The following IRF1 variants were observed in gnomAD, a reference collection of about 807,000 sequenced individuals.
The protein encoded by IRF1 is interferon regulatory factor 1, also known as interferon regulatory factor-1.
In IRF1, 13 loss-of-function variants were observed where a neutral mutation model predicts 43.7. The observed-to-expected ratio is 0.30, with a 90% CI of 0.19 to 0.47. The LOEUF (loss-of-function observed/expected upper bound fraction) is 0.47. IRF1 is among the 20% of genes least tolerant of loss of function. IRF1 has a pLI of 0.99. For missense variants in IRF1, 236 were observed against 408.9 expected (o/e 0.58, Z 3.65); for synonymous variants, 138 against 146.8 (o/e 0.94, Z 0.43).
chr5:132,489,267 C>A (rs1003714259), intron 2 of IRF1, 125 bp downstream of exon 2: 26 of 739,700 alleles, frequency 3.5e-5, no homozygotes, highest in Non-Finnish European at 5.6e-5. Flanking sequence ...CATGCAGGAC[C>A]CACTGGGAGA....
chr5:132,487,637 G>C, intron 3 of IRF1: 3 of 474,034 alleles, frequency 6.3e-6, no homozygotes, highest in Non-Finnish European at 1.2e-5. Flanking sequence ...TCAGTGCCCT[G>C]GCTTACAGCT....
chr5:132,488,051 G>T, intron 2 of IRF1, 26 bp from the exon 3 acceptor site: 1 of 1,539,806 alleles, frequency 6.5e-7, no homozygotes, highest in Non-Finnish European at 9.0e-7. Flanking sequence ...ATACACATAA[G>T]GCTGTGTCAG....
At chr5:132,488,068 GAC>G in intron 2 of IRF1, 43 bp from the exon 3 acceptor site, 1 of 1,468,116 alleles carries the variant, frequency 6.8e-7, no homozygotes, top group Non-Finnish European at 9.5e-7. Context: ...TCAGGTCAGA[GAC>G]CACAGACTTT....
In IRF1 at chr5:132,486,543, C is replaced by G. The variant is rs753808692; in HGVS notation, c.544+14G>C. 1.9e-6 allele frequency: 3 copies of G among 1,613,882 alleles called. No individual in the cohort carries two copies. The highest frequency in any genetic ancestry group is 1.6e-4 in the Middle Eastern group (1 of 6,062). On this transcript the variant is annotated intron_variant, in intron 6 of 9. Transcript: ENST00000245414. ...TGACCTGTGGGGTCTCCTGCCAGAC[C>G]TGGACCAGCTCACCTGGAGTCAGGG...
In IRF1 at chr5:132,483,923, G is replaced by C. The variant is rs754742558; in HGVS notation, c.*28C>G. 1 of 1,611,176 alleles carries C rather than the reference G, an allele frequency of 6.2e-7. No individual in the cohort carries two copies. The highest frequency in any genetic ancestry group is 8.5e-7 in the Non-Finnish European group (1 of 1,179,260). Reference sequence around the variant, plus strand: ...CATGATGCCAGGTCCTGCTTGCCTAGAGGAATAAGAGGGGCCCAGGGGCCC... The same window carrying C: ...CATGATGCCAGGTCCTGCTTGCCTACAGGAATAAGAGGGGCCCAGGGGCCC... On this transcript the variant is annotated 3_prime_UTR_variant, in exon 10 of 10. Transcript: ENST00000245414.
intron 7 of IRF1, chr5:132,485,986 AGAG>A (rs1754515357): frequency 1.7e-6 from 1 of 600,110 alleles, no homozygotes; most frequent in Non-Finnish European, 3.0e-6. Flanking sequence ...GCTGGGCTAC[AGAG>A]GAGGAAGGAG....
Position 132,486,627 on chromosome 5 carries a change from A to C in IRF1, c.474T>G (p.Pro158=). 1 of 1,614,188 alleles carries C rather than the reference A, an allele frequency of 6.2e-7. No individual in the cohort carries two copies. The highest frequency in any genetic ancestry group is 8.5e-7 in the Non-Finnish European group (1 of 1,180,020). The part of the protein sequence containing the change: ...FSDGLSSSTL[P]DDHSSYTVPG... ...GAACTGTGTAGCTGCTGTGGTCATC[A>C]GGCAGAGTGGAGCTGCTGAGTCCAT... Residue 158 remains proline, a synonymous_variant, in exon 6 of 10, where the codon CCT becomes CCG. Coordinates refer to ENST00000245414, the MANE Select transcript of IRF1 (RefSeq NM_002198.3).
intron 2 of IRF1, chr5:132,488,266 T>C: frequency 2.0e-6 from 1 of 492,410 alleles, no homozygotes; most frequent in East Asian, 3.7e-5. Flanking sequence ...CACAAAGACC[T>C]CCCTCTGCCT....
intron 6 of IRF1, 57 bp downstream of exon 6, chr5:132,486,500 G>T: frequency 6.2e-7 from 1 of 1,613,042 alleles, no homozygotes. Flanking sequence ...ATGCCTCCAA[G>T]AGAAAGAGTC....
At chr5:132,485,959 CTTCCTCACCCT>C in intron 7 of IRF1, 1 of 257,114 alleles carries the variant, frequency 3.9e-6, no homozygotes, top group Non-Finnish European at 6.5e-6. Flanking sequence ...ACCCTACTTC[CTTCCTCACCCT>C]CAGATGCTGG....
chr5:132,483,729 C>G lies in IRF1; in HGVS notation c.*222G>C, dbSNP rs1007143644. The G allele has an allele frequency of 4.3e-5, 23 of 529,972 alleles. No homozygotes were observed. The highest frequency in any genetic ancestry group is 5.0e-4 in the Middle Eastern group (1 of 1,992). The allele number at this position is 529,972 out of a possible 1,614,324, so 32.8% of individuals were successfully genotyped here. ...TACACTGGTCTCAGAACCTCATCTT[C>G]CCAGGAGGCAGGGCCAGCTTTACAC... On this transcript the variant is annotated 3_prime_UTR_variant, in exon 10 of 10. Coordinates refer to ENST00000245414, the MANE Select transcript of IRF1 (RefSeq NM_002198.3).
At chr5:132,486,429 C>T in intron 6 of IRF1, 56 bp from the exon 7 acceptor site, 1 of 1,609,554 alleles carries the variant, frequency 6.2e-7, no homozygotes, top group South Asian at 1.1e-5. Flanking sequence ...GTTTGCAAGA[C>T]ATCGAGCGCC....
Position 132,486,379 on chromosome 5 carries a change from GA to G in IRF1, c.545-7del. 6.2e-7 allele frequency: 1 copy of G among 1,611,436 alleles called. No individual in the cohort carries two copies. On this transcript the variant is annotated splice_polypyrimidine_tract_variant and splice_region_variant and intron_variant, in intron 6 of 9. Transcript: ENST00000245414. Reference sequence around the variant, plus strand: ...GACAGCACATGGCGACAGTGCTGGGGAACAGCAGAAGCCACAGGTCAAGGTT... The same window carrying G: ...GACAGCACATGGCGACAGTGCTGGGGACAGCAGAAGCCACAGGTCAAGGTT...
intron 9 of IRF1, 127 bp from the exon 10 acceptor site, chr5:132,484,202 T>C: frequency 1.4e-6 from 2 of 1,463,120 alleles, no homozygotes; most frequent in Non-Finnish European, 1.9e-6. Context: ...TCCACTCAGC[T>C]TCAGGCAAAC....
Position 132,487,656 on chromosome 5 carries a change from C to CA in IRF1, c.187+269dup, listed in dbSNP as rs1754571446. ...TGCCCTGGCTTACAGCTGCTTTTCA[C>CA]AGATGCTTTTGCCAGGGAGAACTTT... On this transcript the variant is annotated intron_variant, in intron 3 of 9. Transcript: ENST00000245414. The CA allele has an allele frequency of 5.9e-6, 3 of 505,378 alleles. No individual in the cohort carries two copies. The South Asian group carries it at 6.6e-5, about 11-fold the overall frequency. 31.3% of individuals were successfully genotyped at this position (505,378 alleles called of 1,614,324 possible).
At chr5:132,487,891 C>T in intron 3 of IRF1, 35 bp downstream of exon 3, 1 of 1,502,390 alleles carries the variant, frequency 6.7e-7, no homozygotes, top group East Asian at 2.3e-5. Context: ...TTGTCTCTAC[C>T]CTGGGCTTCC....
Position 132,489,479 on chromosome 5 carries a change from G to A in IRF1, c.-1C>T. On this transcript the variant is annotated 5_prime_UTR_variant, in exon 2 of 10. Coordinates refer to ENST00000245414, the MANE Select transcript of IRF1 (RefSeq NM_002198.3). ...TCATGCGCATCCGAGTGATGGGCAT[G>A]TTGGCTGTAAAGAGAACACAGAGGC... 6.2e-7 allele frequency: 1 copy of A among 1,613,514 alleles called. No homozygotes were observed. The highest frequency in any genetic ancestry group is 8.5e-7 in the Non-Finnish European group (1 of 1,179,490).
At chr5:132,484,143 CT>C in intron 9 of IRF1, 68 bp from the exon 10 acceptor site, 1 of 1,586,072 alleles carries the variant, frequency 6.3e-7, no homozygotes, top group Non-Finnish European at 8.6e-7. Flanking sequence ...CCCCCTACCC[CT>C]GAAGGCCATA....
chr5:132,487,273 G>A lies in IRF1; in HGVS notation c.188-143C>T, dbSNP rs942031786. On this transcript the variant is annotated intron_variant, in intron 3 of 9. Coordinates refer to ENST00000245414, the MANE Select transcript of IRF1 (RefSeq NM_002198.3). ...AGTGGTCAAACCAGCAGGTACTCCC[G>A]GTGACACTCTGCAGGTCCTAGGCCC... 19 of 787,496 alleles carry A rather than the reference G, an allele frequency of 2.4e-5. 1 individual carries two copies. Among genetic ancestry groups the A allele is most frequent in the South Asian group, 1.4e-4 (9 of 62,104 alleles). The allele number at this position is 787,496 out of a possible 1,614,324, so 48.8% of individuals were successfully genotyped here. A position where few individuals can be genotyped will look rare whatever the true frequency, so the allele number is the denominator to read the frequency against.
Sources: allele counts gnomAD v4.1 joint callset, GRCh38; gene constraint gnomAD v4.1.1; transcripts MANE v1.5; gene names NCBI Gene and HGNC (gene_info 2026-07-23, HGNC 2026-07-21).